MACROD2: variants seen among roughly 807,000 people sequenced by gnomAD.
MACROD2 encodes the protein mono-ADP ribosylhydrolase 2.
A neutral mutation model predicts 70.4 loss-of-function variants in MACROD2; 36 were observed. The ratio of observed to expected loss-of-function variants is 0.51; its 90% CI spans 0.39 to 0.68. MACROD2 has a LOEUF of 0.68. Among genes scored for constraint, MACROD2 ranks in the 30% least tolerant of loss-of-function variants. The pLI is 0.00. For synonymous variants in MACROD2, 172 were observed against 178.8 expected (o/e 0.96, Z 0.30); for missense variants, 496 against 538.4 (o/e 0.92, Z 0.78).
rs2054068199 is a variant in MACROD2 at position 14,085,696 on chromosome 20, C to T, written c.239C>T (p.Thr80Ile). 6.4e-7 allele frequency: 1 copy of T among 1,565,464 alleles called. No homozygotes were observed. The highest frequency in any genetic ancestry group is 8.7e-7 in the Non-Finnish European group (1 of 1,155,026). ...EKVSLYRGDI[T>I]LLEVDAIVNA... The stretch of plus-strand genomic sequence containing the variant: ...GTTTCTCTCTATAGAGGTGACATCA[C>T]ATTGCTAGAGGTAGATGCTATAGTC... Residue 80 changes from threonine (T) to isoleucine (I), a missense_variant, in exon 3 of 18, where the codon ACA becomes ATA. Physicochemically the swap from Thr to Ile is moderately conservative, Grantham distance 89. Transcript: ENST00000684519.
intron 8 of MACROD2, among the ~76,000 whole-genome samples, chr20:15,558,278 C>T (rs532070506): frequency 6.6e-6 from 1 of 152,348 alleles, no homozygotes; most frequent in South Asian, 2.1e-4. Flanking sequence ...TTCTTGCCTA[C>T]TGTGCTCTCT....
intron 8 of MACROD2, among the ~76,000 whole-genome samples, chr20:15,508,259 A>T (rs369738650): frequency 2.0e-5 from 3 of 151,482 alleles, no homozygotes; most frequent in Non-Finnish European, 4.4e-5. Context: ...AATGGAGTGC[A>T]TGGGAATGCA....
chr20:16,008,894 T>G (rs2066824759), intron 15 of MACROD2, among the ~76,000 whole-genome samples: 1 of 151,986 alleles, frequency 6.6e-6, no homozygotes, highest in African/African-American at 2.4e-5. Context: ...TAGCACAATG[T>G]GGAACCATGA....
rs1019638206 is a variant in MACROD2, at chr20:14,054,468, G to C, written c.164-31153G>C. On this transcript the variant is annotated intron_variant, in intron 2 of 17. Coordinates refer to ENST00000684519, the MANE Select transcript of MACROD2 (RefSeq NM_001351661.2). Reference sequence around the variant, plus strand: ...GCACACAGTTATGAGAAGTTGGCTGGAGAATGAGATTTGGCAAGTGCTCCA... The same window carrying C: ...GCACACAGTTATGAGAAGTTGGCTGCAGAATGAGATTTGGCAAGTGCTCCA... Among the ~76,000 whole-genome samples the C allele has an allele frequency of 2.6e-5, 4 of 152,034 alleles. No individual in the cohort carries two copies. In the East Asian group the frequency reaches 7.7e-4, roughly 29 times the overall value.
chr20:14,028,608 A>C (rs935689941), intron 2 of MACROD2, among the ~76,000 whole-genome samples: 15 of 152,200 alleles, frequency 9.9e-5, no homozygotes, highest in Admixed American at 2.6e-4. Flanking sequence ...GGAAAAGCGT[A>C]GTATCCAGGC....
chr20:14,510,327 G>A (rs918280660), intron 4 of MACROD2, among the ~76,000 whole-genome samples: 1 of 58,540 alleles, frequency 1.7e-5, no homozygotes, highest in Non-Finnish European at 3.4e-5. Flanking sequence ...TAATTCCATG[G>A]TAAATACAAA....
At chr20:15,089,034 GT>G (rs1039674004) in intron 5 of MACROD2, among the ~76,000 whole-genome samples, 2 of 151,944 alleles carry the variant, frequency 1.3e-5, no homozygotes, top group East Asian at 1.9e-4. Context: ...GAGTAGGACA[GT>G]TTTTTTTCTC....
At chr20:15,021,172 ACATACAGGTGTGCG>A in intron 5 of MACROD2, among the ~76,000 whole-genome samples, 2 of 123,096 alleles carry the variant, frequency 1.6e-5, no homozygotes, top group African/African-American at 3.2e-5. Flanking sequence ...GTATGTATAC[ACATACAGGTGTGCG>A]TATACACACA....
intron 4 of MACROD2, among the ~76,000 whole-genome samples, chr20:14,531,604 A>G (rs1388027039): frequency 1.3e-5 from 2 of 152,204 alleles, no homozygotes; most frequent in Admixed American, 6.5e-5. Flanking sequence ...CAGAAACCCA[A>G]GAAAACTTAT....
chr20:15,135,923 A>G (rs1401745394), intron 5 of MACROD2, among the ~76,000 whole-genome samples: 4 of 152,088 alleles, frequency 2.6e-5, no homozygotes, highest in African/African-American at 9.7e-5. Context: ...CACCAAAAAC[A>G]GACAAACAGC....
At chr20:14,784,716 C>T (rs558916069) in intron 5 of MACROD2, among the ~76,000 whole-genome samples, 60 of 141,100 alleles carry the variant, frequency 4.3e-4, no homozygotes, top group African/African-American at 1.6e-3. Flanking sequence ...GGAAAACATA[C>T]ACTTGAATTT....
At chr20:14,879,347 A>G (rs922613861) in intron 5 of MACROD2, among the ~76,000 whole-genome samples, 5 of 152,194 alleles carry the variant, frequency 3.3e-5, no homozygotes, top group Non-Finnish European at 7.4e-5. Flanking sequence ...TATTCTTCCA[A>G]GTTAGCATGA....
At chr20:16,044,271 G>A (rs894971879) in intron 16 of MACROD2, among the ~76,000 whole-genome samples, 3 of 151,966 alleles carry the variant, frequency 2.0e-5, no homozygotes, top group African/African-American at 7.3e-5. Flanking sequence ...CTAAGAAGAT[G>A]GCACTAAACC....
rs75517800 is a variant in MACROD2 at position 14,964,490 on chromosome 20, G to A, written c.419-265450G>A. On this transcript the variant is annotated intron_variant, in intron 5 of 17. Coordinates refer to ENST00000684519, the MANE Select transcript of MACROD2 (RefSeq NM_001351661.2). ...CAGGAGGCTGAGGCAGAAGAATGGC[G>A]TGAATCTGGGAGGTGGAGCTTGCAG... Among the ~76,000 whole-genome samples the A allele has an allele frequency of 6.0e-3, 911 of 151,952 alleles. 23 individuals are homozygous for A. Among genetic ancestry groups the A allele is most frequent in the Non-Finnish European group, 3.9e-3 (262 of 67,972 alleles).
At chr20:14,050,655 A>G (rs189578674) in intron 2 of MACROD2, among the ~76,000 whole-genome samples, 3 of 152,342 alleles carry the variant, frequency 2.0e-5, no homozygotes, top group African/African-American at 4.8e-5. Context: ...GAATGGTGCA[A>G]CAAATACATA....
chr20:15,354,859 G>A (rs2078268638), intron 6 of MACROD2, among the ~76,000 whole-genome samples: 1 of 152,152 alleles, frequency 6.6e-6, no homozygotes, highest in South Asian at 2.1e-4. Flanking sequence ...AGAATATAAA[G>A]TTGTATCTGT....
rs567802106 is a variant in MACROD2, at chr20:16,040,127, C to T, written c.1154-1074C>T. ...TTCCCACTCTGCTTGTTTTATATGT[C>T]ATCAATTAATGACCTCTCTGCCATT... On this transcript the variant is annotated intron_variant, in intron 15 of 17. Transcript: ENST00000684519. 4.9e-4 allele frequency among the ~76,000 whole-genome samples: 75 copies of T among 152,008 alleles called. 1 individual carries two copies. Among genetic ancestry groups the T allele is most frequent in the African/African-American group, 1.7e-3 (70 of 41,498 alleles).
intron 5 of MACROD2, among the ~76,000 whole-genome samples, chr20:14,950,305 T>G (rs2074465268): frequency 1.3e-5 from 2 of 152,114 alleles, no homozygotes; most frequent in Non-Finnish European, 2.9e-5. Flanking sequence ...AGGGACCACA[T>G]TATACATCTC....
intron 3 of MACROD2, among the ~76,000 whole-genome samples, chr20:14,424,086 A>T (rs986213243): frequency 2.6e-5 from 4 of 152,056 alleles, no homozygotes; most frequent in Admixed American, 2.0e-4. Context: ...AATGTGTCTA[A>T]ATTTTTATAT....
Sources: allele counts gnomAD v4.1 joint callset (sites outside exome capture counted in the v4.1 genomes callset), GRCh38; gene constraint gnomAD v4.1.1; transcripts MANE v1.5; gene names NCBI Gene and HGNC (gene_info 2026-07-23, HGNC 2026-07-21).